CHMP3: variants seen among roughly 807,000 people sequenced by gnomAD.
The protein encoded by CHMP3 is charged multivesicular body protein 3.
Under a neutral mutation model 27.4 loss-of-function variants are expected in CHMP3, and 8 were observed. The ratio of observed to expected loss-of-function variants is 0.29; its 90% CI spans 0.17 to 0.53. The LOEUF (loss-of-function observed/expected upper bound fraction) is 0.53, where lower values mean the gene tolerates loss of function less well. Ranked by LOEUF, CHMP3 falls within the 20% of genes least tolerant of loss-of-function variation. The probability of loss-of-function intolerance (pLI) is 0.96; values close to 1 mark genes in which losing one functional copy is unlikely to be tolerated. For synonymous variants in CHMP3, 86 were observed against 85.5 expected, an observed-to-expected ratio of 1.01 and a Z score of -0.03; for missense variants, 208 against 271.5, an observed-to-expected ratio of 0.77 and a Z score of 1.64.
chr2:86,517,488 C>T (rs560155045), intron 3 of CHMP3, among the ~76,000 whole-genome samples: 10 of 151,010 alleles, frequency 6.6e-5, no homozygotes, highest in Admixed American at 1.3e-4. Context: ...ATGGCGTGAA[C>T]CCAGGAGGTG....
intron 1 of CHMP3, among the ~76,000 whole-genome samples, chr2:86,546,292 G>A (rs1329775313): frequency 6.6e-6 from 1 of 151,030 alleles, no homozygotes; most frequent in Non-Finnish European, 1.5e-5. Context: ...GGGAGCCCAA[G>A]GCAGGGAGGT....
At chr2:86,512,163 A>G (rs1015315217) in intron 3 of CHMP3, 5 of 152,276 alleles carry the variant, frequency 3.3e-5, no homozygotes, top group African/African-American at 1.2e-4. Flanking sequence ...AGGTGTTGCC[A>G]CTGTGATAAG....
At chr2:86,540,536 A>G (rs1372145644) in intron 2 of CHMP3, 2 of 152,106 alleles carry the variant, frequency 1.3e-5, no homozygotes, top group Non-Finnish European at 2.9e-5. Flanking sequence ...AATCTGAAAT[A>G]TTTGGGTTGC....
intron 2 of CHMP3, among the ~76,000 whole-genome samples, chr2:86,537,562 C>T (rs777621807): frequency 4.6e-5 from 7 of 152,150 alleles, no homozygotes; most frequent in Non-Finnish European, 7.4e-5. Flanking sequence ...TTGTTGAAAA[C>T]TGAATGTTTG....
intron 2 of CHMP3, among the ~76,000 whole-genome samples, chr2:86,539,268 C>T (rs975084821): frequency 2.0e-5 from 3 of 152,028 alleles, no homozygotes; most frequent in Admixed American, 6.5e-5. Flanking sequence ...TTTGGTATCA[C>T]CATCAAGTAG....
At chr2:86,548,978 C>T (rs554529450) in intron 1 of CHMP3, among the ~76,000 whole-genome samples, 3 of 147,228 alleles carry the variant, frequency 2.0e-5, no homozygotes, top group East Asian at 4.2e-4. Context: ...TGGGCAGAGG[C>T]GCTCCTAGCC....
intron 5 of CHMP3, 119 bp from the exon 6 acceptor site, chr2:86,506,068 G>A: frequency 8.1e-7 from 1 of 1,231,258 alleles, no homozygotes; most frequent in Non-Finnish European, 1.0e-6. Flanking sequence ...AGTACAGCAA[G>A]CTGTTTTTGG....
intron 1 of CHMP3, among the ~76,000 whole-genome samples, chr2:86,560,873 G>A (rs1442688910): frequency 6.6e-6 from 1 of 151,816 alleles, no homozygotes; most frequent in African/African-American, 2.4e-5. Context: ...TGAGGGAGAA[G>A]GTGCTACACA....
chr2:86,558,504 C>G (rs1269384834), intron 1 of CHMP3, among the ~76,000 whole-genome samples: 1 of 152,166 alleles, frequency 6.6e-6, no homozygotes, highest in East Asian at 1.9e-4. Context: ...ACTTAGCACC[C>G]ACTGCACGCT....
chr2:86,555,721 CT>C (rs1286530302), intron 1 of CHMP3, among the ~76,000 whole-genome samples: 1 of 152,116 alleles, frequency 6.6e-6, no homozygotes, highest in Non-Finnish European at 1.5e-5. Context: ...ATCTTCAGTG[CT>C]GTCTCTGCTC....
At chr2:86,516,497 T>C (rs1419121541) in intron 3 of CHMP3, among the ~76,000 whole-genome samples, 3 of 152,132 alleles carry the variant, frequency 2.0e-5, no homozygotes, top group Non-Finnish European at 4.4e-5. Context: ...TAAAAAATAG[T>C]GACAACAACA....
At chr2:86,507,625 C>T in intron 4 of CHMP3, 32 bp from the exon 5 acceptor site, 1 of 1,585,118 alleles carries the variant, frequency 6.3e-7, no homozygotes. Context: ...CTTCGGTCAA[C>T]TGTTAAATCT....
At chr2:86,533,146 A>G (rs1432104561) in intron 2 of CHMP3, among the ~76,000 whole-genome samples, 2 of 152,150 alleles carry the variant, frequency 1.3e-5, no homozygotes, top group East Asian at 1.9e-4. Flanking sequence ...TTATGTTTCA[A>G]TCTTGGTAAG....
At chr2:86,538,110 A>C (rs921709433) in intron 2 of CHMP3, among the ~76,000 whole-genome samples, 1 of 152,248 alleles carries the variant, frequency 6.6e-6, no homozygotes, top group Non-Finnish European at 1.5e-5. Context: ...AAATTCTGAT[A>C]CCTGCTACAA....
chr2:86,528,250 CTTCTT>C (rs919838254), intron 3 of CHMP3, among the ~76,000 whole-genome samples: 2 of 152,218 alleles, frequency 1.3e-5, no homozygotes, highest in African/African-American at 4.8e-5. Flanking sequence ...CATCTTCTAA[CTTCTT>C]TTGAGTGTGA....
At chr2:86,517,027 G>C (rs2104752140) in intron 3 of CHMP3, among the ~76,000 whole-genome samples, 1 of 152,128 alleles carries the variant, frequency 6.6e-6, no homozygotes, top group Middle Eastern at 3.4e-3. Context: ...CTAGGTGAAG[G>C]GTACACAGAA....
chr2:86,548,333 C>A (rs780139436), intron 1 of CHMP3, among the ~76,000 whole-genome samples: 59 of 152,190 alleles, frequency 3.9e-4, no homozygotes, highest in Admixed American at 8.5e-4. Context: ...GAGGTTCCTG[C>A]GGCCTTCCGC....
At chr2:86,561,455 G>A (rs1175537869) in intron 1 of CHMP3, among the ~76,000 whole-genome samples, 1 of 152,092 alleles carries the variant, frequency 6.6e-6, no homozygotes, top group African/African-American at 2.4e-5. Flanking sequence ...CATCACCTGG[G>A]AGCTTATTAG....
intron 1 of CHMP3, among the ~76,000 whole-genome samples, chr2:86,548,629 C>T (rs1015160545): frequency 8.5e-5 from 13 of 152,152 alleles, no homozygotes; most frequent in Non-Finnish European, 1.3e-4. Context: ...TCTTTCTTTT[C>T]CCCACATTTC....
Sources: allele counts gnomAD v4.1 joint callset (sites outside exome capture counted in the v4.1 genomes callset), GRCh38; gene constraint gnomAD v4.1.1; transcripts MANE v1.5; gene names NCBI Gene and HGNC (gene_info 2026-07-23, HGNC 2026-07-21).